LIMS2: variants seen among roughly 807,000 people sequenced by gnomAD.
LIMS2 encodes the protein LIM and senescent cell antigen-like-containing domain protein 2.
Under a neutral mutation model 45.3 loss-of-function variants are expected in LIMS2, and 30 were observed. The observed-to-expected ratio is 0.66, with a 90% CI of 0.50 to 0.90. The LOEUF (loss-of-function observed/expected upper bound fraction) is 0.90. LIMS2 is among the 40% of genes least tolerant of loss of function. The pLI, the probability that LIMS2 is intolerant of heterozygous loss-of-function variation, is 0.00. For missense variants in LIMS2, 485 were observed against 468.7 expected (o/e 1.03, Z -0.32); for synonymous variants, 173 against 188.0 (o/e 0.92, Z 0.65).
At chr2:127,651,355 C>T (rs1683760051) in intron 4 of LIMS2, 1 of 1,612,276 alleles carries the variant, frequency 6.2e-7, no homozygotes, top group Non-Finnish European at 8.5e-7. Context: ...CCGTTCATCA[C>T]CACGGTCACC....
chr2:127,671,367 A>G lies in LIMS2; in HGVS notation c.11+3647T>C, dbSNP rs1685262980. Among the ~76,000 whole-genome samples the G allele has an allele frequency of 6.6e-6, 1 of 150,980 alleles. No individual in the cohort carries two copies. The highest frequency in any genetic ancestry group is 2.1e-4 in the South Asian group (1 of 4,754). ...AGAATTGCTTGAACCTGGGAGGCAG[A>G]GGTTGCAGTGAGCTGAGATCACGCC... On this transcript the variant is annotated intron_variant, in intron 1 of 9. Coordinates refer to ENST00000355119, the MANE Select transcript of LIMS2 (RefSeq NM_001161403.3). The surrounding 1 kb of genome is among the most constrained non-coding windows in gnomAD (Gnocchi z 4.1).
At chr2:127,655,094 A>G in intron 2 of LIMS2, 198 bp from the exon 3 acceptor site, 1 of 644,834 alleles carries the variant, frequency 1.6e-6, no homozygotes, top group Non-Finnish European at 2.8e-6. Flanking sequence ...GTGCAAAGGG[A>G]GGTGCCCCCG....
chr2:127,644,202 C>T (rs1261579601), intron 4 of LIMS2: 1 of 434,112 alleles, frequency 2.3e-6, no homozygotes, highest in African/African-American at 2.0e-5. Flanking sequence ...AAGCTGCCGA[C>T]TGGCTCTCTG....
At position 127,664,224 on chromosome 2, in the gene LIMS2, G is replaced by A. The variant is rs898616958; in HGVS notation, c.12-6662C>T. ...CCCACGGCGTCGGAGGGCCCCGGTC[G>A]GGTTTCCGAGGGAAGGCCTGCCCTG... On this transcript the variant is annotated intron_variant, in intron 1 of 9. Transcript: ENST00000355119. This position sits in a 1 kb window ranked among gnomAD's most constrained non-coding sequence, Gnocchi z 5.5. The A allele has an allele frequency of 7.9e-6, 9 of 1,142,764 alleles. No homozygotes were observed. Among genetic ancestry groups the A allele is most frequent in the African/African-American group, 3.2e-5 (2 of 61,578 alleles). The allele number at this position is 1,142,764 out of a possible 1,614,324, so 70.8% of individuals were successfully genotyped here.
chr2:127,642,094 G>A lies in LIMS2; in HGVS notation c.615C>T (p.Ile205=), dbSNP rs34626285. Residue 205 remains isoleucine, a synonymous_variant, in exon 6 of 10, where the codon ATC becomes ATT. Coordinates refer to ENST00000355119, the MANE Select transcript of LIMS2 (RefSeq NM_001161403.3). The surrounding 1 kb of genome is among the most constrained non-coding windows in gnomAD (Gnocchi z 5.3). Reference sequence around the variant, plus strand: ...CCAGCGCGTTGACCACTCGGCCCTCGATGGGCCGGCGGCAGGCCCCGCAGA... The same window carrying A: ...CCAGCGCGTTGACCACTCGGCCCTCAATGGGCCGGCGGCAGGCCCCGCAGA... The part of the protein sequence containing the change: ...VPICGACRRP[I]EGRVVNALGK... 1.4e-5 allele frequency: 23 copies of A among 1,609,904 alleles called. No individual in the cohort carries two copies. The highest frequency in any genetic ancestry group is 8.0e-5 in the African/African-American group (6 of 74,878).
chr2:127,642,412 T>C lies in LIMS2; in HGVS notation c.510-213A>G. On this transcript the variant is annotated intron_variant, in intron 5 of 9. Coordinates refer to ENST00000355119, the MANE Select transcript of LIMS2 (RefSeq NM_001161403.3). The surrounding 1 kb of genome is among the most constrained non-coding windows in gnomAD (Gnocchi z 5.3). Reference sequence around the variant, plus strand: ...AGACTTCCTGCACAGCCCAGAAGAGTGGGCTGTGTTCTGCACCCAGGCCTC... The same window carrying C: ...AGACTTCCTGCACAGCCCAGAAGAGCGGGCTGTGTTCTGCACCCAGGCCTC... The C allele has an allele frequency of 2.0e-6, 1 of 507,908 alleles. No homozygotes were observed. The highest frequency in any genetic ancestry group is 3.4e-6 in the Non-Finnish European group (1 of 295,158). The allele number at this position is 507,908 out of a possible 1,614,324, so 31.5% of individuals were successfully genotyped here.
In LIMS2 at chr2:127,642,853, C is replaced by G. The variant is rs1042925731; in HGVS notation, c.509+70G>C. ...CTCAACACTTCCCCAGGTGGAGGCC[C>G]CACCGCCCTTACCCTGGGCCAGCCC... On this transcript the variant is annotated intron_variant, in intron 5 of 9. Transcript: ENST00000355119. This position sits in a 1 kb window ranked among gnomAD's most constrained non-coding sequence, Gnocchi z 5.3. 6.0e-6 allele frequency: 9 copies of G among 1,501,498 alleles called. No individual in the cohort carries two copies. The highest frequency in any genetic ancestry group is 8.1e-6 in the Non-Finnish European group (9 of 1,114,010). The allele number at this position is 1,501,498 out of a possible 1,614,324, so 93.0% of individuals were successfully genotyped here.
Position 127,664,192 on chromosome 2 carries a change from G to C in LIMS2, c.12-6630C>G. On this transcript the variant is annotated intron_variant, in intron 1 of 9. Coordinates refer to ENST00000355119, the MANE Select transcript of LIMS2 (RefSeq NM_001161403.3). The surrounding 1 kb of genome is among the most constrained non-coding windows in gnomAD (Gnocchi z 5.5). ...CAACCCAGGGCCCATCCGACGCCGG[G>C]GCAGAGCCCACGGCGTCGGAGGGCC... is the stretch of plus-strand genomic sequence containing the variant. 2.3e-6 allele frequency: 2 copies of C among 872,346 alleles called. No homozygotes were observed. Among genetic ancestry groups the C allele is most frequent in the Non-Finnish European group, 3.0e-6 (2 of 677,824 alleles). 54.0% of individuals were successfully genotyped at this position (872,346 alleles called of 1,614,324 possible). A position where few individuals can be genotyped will look rare whatever the true frequency, so the allele number is the denominator to read the frequency against.
chr2:127,648,269 C>T (rs949410262), intron 4 of LIMS2: 2 of 884,500 alleles, frequency 2.3e-6, no homozygotes, highest in Non-Finnish European at 2.7e-6. Context: ...ACTCTGAAGC[C>T]GGGGGCAATC....
rs1274966100 is a variant in LIMS2, at chr2:127,638,774, G to C, written c.*507C>G. 3 of 160,040 alleles carry C rather than the reference G, an allele frequency of 1.9e-5. No homozygotes were observed. Among genetic ancestry groups the C allele is most frequent in the Non-Finnish European group, 2.8e-5 (2 of 72,570 alleles). The allele number at this position is 160,040 out of a possible 1,614,324, so 9.9% of individuals were successfully genotyped here. ...GGACACTGTGCCACTGGTTGAGTGA[G>C]TGGTGAGGGATTGGAGGTGGCTCCC... On this transcript the variant is annotated 3_prime_UTR_variant, in exon 10 of 10. Coordinates refer to ENST00000355119, the MANE Select transcript of LIMS2 (RefSeq NM_001161403.3).
At position 127,640,923 on chromosome 2, in the gene LIMS2, C is replaced by T; in HGVS notation, c.726G>A (p.Leu242=). 6.2e-7 allele frequency: 1 copy of T among 1,613,962 alleles called. No homozygotes were observed. The highest frequency in any genetic ancestry group is 1.3e-5 in the African/African-American group (1 of 75,030). Residue 242 remains leucine (L), a synonymous_variant, in exon 7 of 10, where the codon CTG becomes CTA. Coordinates refer to ENST00000355119, the MANE Select transcript of LIMS2 (RefSeq NM_001161403.3). ...LGHRHYEKKG[L]AYCETHYNQL... Reference sequence around the variant, plus strand: ...GGTTGTAGTGAGTCTCGCAGTAGGCCAGGCCCTTCTTCTCATAGTGCCGGT... The same window carrying T: ...GGTTGTAGTGAGTCTCGCAGTAGGCTAGGCCCTTCTTCTCATAGTGCCGGT...
Position 127,670,801 on chromosome 2 carries a change from G to A in LIMS2, c.11+4213C>T, listed in dbSNP as rs117196701. Reference sequence around the variant, plus strand: ...GGCAGAGACGGACAGAGGCAGAGATGCCACAAACAGGCTGTCCTCCAGAGC... The same window carrying A: ...GGCAGAGACGGACAGAGGCAGAGATACCACAAACAGGCTGTCCTCCAGAGC... On this transcript the variant is annotated intron_variant, in intron 1 of 9. Transcript: ENST00000355119. Among the ~76,000 whole-genome samples the A allele has an allele frequency of 1.4e-4, 22 of 152,306 alleles. No individual in the cohort carries two copies. In the East Asian group the frequency reaches 3.5e-3, roughly 24 times the overall value.
At position 127,654,547 on chromosome 2, in the gene LIMS2, G is replaced by T. The variant is rs111902588; in HGVS notation, c.239-3C>A. 6 of 1,614,010 alleles carry T rather than the reference G, an allele frequency of 3.7e-6. No individual in the cohort carries two copies. The highest frequency in any genetic ancestry group is 5.1e-6 in the Non-Finnish European group (6 of 1,180,012). On this transcript the variant is annotated splice_polypyrimidine_tract_variant and splice_region_variant and intron_variant, in intron 3 of 9. Transcript: ENST00000355119. ...GACGCGGCCAATGATGAACTCACCT[G>T]GAAGAAGACAGGTCCCTGCTGGCTG...
intron 1 of LIMS2, among the ~76,000 whole-genome samples, chr2:127,665,001 T>C (rs560292084): frequency 8.0e-4 from 122 of 152,310 alleles, no homozygotes; most frequent in African/African-American, 2.8e-3. Flanking sequence ...AAAGAGGTCC[T>C]TATTTTAGAG....
At chr2:127,666,594 C>T (rs934971393) in intron 1 of LIMS2, among the ~76,000 whole-genome samples, 1 of 152,022 alleles carries the variant, frequency 6.6e-6, no homozygotes, top group Non-Finnish European at 1.5e-5. Flanking sequence ...ACTACCAAAA[C>T]GAACTCAAGA....
chr2:127,646,955 A>G (rs1241174467), intron 4 of LIMS2, among the ~76,000 whole-genome samples: 2 of 152,260 alleles, frequency 1.3e-5, no homozygotes, highest in African/African-American at 4.8e-5. Context: ...CCTGAAACCA[A>G]CCAGAAAGCT....
rs1235651782 is a variant in LIMS2, at chr2:127,662,229, C to A, written c.12-4667G>T. On this transcript the variant is annotated intron_variant, in intron 1 of 9. Coordinates refer to ENST00000355119, the MANE Select transcript of LIMS2 (RefSeq NM_001161403.3). ...TATAAAATGGGCCAGGAATAGCTAC[C>A]TCCAGGGACTGTTGGGAGGGTTCAG... Among the ~76,000 whole-genome samples, 6 of 152,322 alleles carry A rather than the reference C, an allele frequency of 3.9e-5. No individual in the cohort carries two copies. The South Asian group carries it at 1.2e-3, about 32-fold the overall frequency.
rs1050657447 is a variant in LIMS2, at chr2:127,653,113, A to C, written c.359+1311T>G. Among the ~76,000 whole-genome samples the C allele has an allele frequency of 2.6e-5, 4 of 152,068 alleles. No homozygotes were observed. The highest frequency in any genetic ancestry group is 5.9e-5 in the Non-Finnish European group (4 of 68,030). The stretch of plus-strand genomic sequence containing the variant: ...TTAGACAAGCTGCTCAATGCCAGGC[A>C]CCGCCCAGCTCCGAGGACAGTGGGC... On this transcript the variant is annotated intron_variant, in intron 4 of 9. Transcript: ENST00000355119. This position sits in a 1 kb window ranked among gnomAD's most constrained non-coding sequence, Gnocchi z 5.3.
At chr2:127,669,215 C>T (rs1311562329) in intron 1 of LIMS2, among the ~76,000 whole-genome samples, 2 of 152,122 alleles carry the variant, frequency 1.3e-5, no homozygotes, top group African/African-American at 4.8e-5. Flanking sequence ...TGGATAGCTA[C>T]ATGCTAACAG....
Sources: gnomAD v4.1 joint callset for allele counts (sites outside exome capture counted in the v4.1 genomes callset) on GRCh38, gnomAD v4.1.1 for gene constraint, Gnocchi (gnomAD v3.1) non-coding constraint, MANE v1.5 for transcripts, NCBI Gene and HGNC (gene_info 2026-07-23, HGNC 2026-07-21) for gene names.